MYCT1: variants seen among roughly 807,000 people sequenced by gnomAD.
MYCT1 encodes the protein MYC target 1.
MYCT1 carries 12 observed loss-of-function variants against 15.0 expected under a neutral mutation model. That is an observed-to-expected ratio of 0.80 (90% CI 0.51 to 1.29). The LOEUF (loss-of-function observed/expected upper bound fraction) is 1.29, where lower values mean the gene tolerates loss of function less well. Among genes scored for constraint, MYCT1 ranks in the 50% most tolerant of loss-of-function variants. The pLI is 0.00. For missense variants in MYCT1, 287 were observed against 279.1 expected, an observed-to-expected ratio of 1.03 and a Z score of -0.20; for synonymous variants, 104 against 102.7, an observed-to-expected ratio of 1.01 and a Z score of -0.07.
the MYCT1 span, among the ~76,000 whole-genome samples, chr6:152,731,418 C>T: frequency 1.3e-5 from 2 of 152,056 alleles, no homozygotes; most frequent in Non-Finnish European, 2.9e-5. Flanking sequence ...ATGTGCACAA[C>T]ATGCAGGTTT....
At chr6:152,715,765 G>T (rs999916461) in intron 1 of MYCT1, among the ~76,000 whole-genome samples, 2 of 152,080 alleles carry the variant, frequency 1.3e-5, no homozygotes, top group African/African-American at 2.4e-5. Context: ...ATAATTTTAG[G>T]AATAGATTAC....
At position 152,705,930 on chromosome 6, in the gene MYCT1, G is replaced by T. The variant is rs1370322483; in HGVS notation, c.196+7832G>T. On this transcript the variant is annotated intron_variant, in intron 1 of 1. Transcript: ENST00000367245. ...AGTTGGTTACGATGCTATGGTCAGA[G>T]ATTTTGTGAATATGGTGGAAAAAGC... The T allele has an allele frequency of 5.2e-6, 4 of 772,238 alleles. No homozygotes were observed. The East Asian group carries it at 9.8e-5, about 19-fold the overall frequency. The allele number at this position is 772,238 out of a possible 1,614,324, so 47.8% of individuals were successfully genotyped here.
the MYCT1 span, among the ~76,000 whole-genome samples, chr6:152,745,839 A>C: frequency 6.6e-6 from 1 of 152,174 alleles, no homozygotes; most frequent in Non-Finnish European, 1.5e-5. Context: ...CAGGGTGTGC[A>C]ACTATCATCC....
chr6:152,727,312 G>T (rs2099725827), downstream of MYCT1, among the ~76,000 whole-genome samples: 1 of 152,112 alleles, frequency 6.6e-6, no homozygotes, highest in Non-Finnish European at 1.5e-5. Context: ...ATAAGGCCCT[G>T]CAAAAAATAT....
intron 1 of MYCT1, among the ~76,000 whole-genome samples, chr6:152,715,202 T>TTA (rs1218352949): frequency 4.6e-5 from 7 of 152,332 alleles, no homozygotes; most frequent in Admixed American, 2.0e-4. Context: ...CTCTGATGGC[T>TTA]TCAAACAAAT....
At chr6:152,734,666 A>AT in the MYCT1 span, among the ~76,000 whole-genome samples, 393 of 146,982 alleles carry the variant, frequency 2.7e-3, 2 homozygotes, top group African/African-American at 8.4e-3. Context: ...ATGCTTTGAC[A>AT]TTTTTTTTTT....
rs2099723047 is a variant in MYCT1, at chr6:152,713,119, T to G, written c.197-8623T>G. The stretch of plus-strand genomic sequence containing the variant: ...CAATATTTTTCTCCATTTTTCAAAT[T>G]GGATAAGTTCTATTAATACACCTTT... On this transcript the variant is annotated intron_variant, in intron 1 of 1. Transcript: ENST00000367245. 3.3e-5 allele frequency among the ~76,000 whole-genome samples: 5 copies of G among 152,066 alleles called. No homozygotes were observed. The South Asian group carries it at 1.0e-3, about 32-fold the overall frequency.
the MYCT1 span, among the ~76,000 whole-genome samples, chr6:152,740,376 C>A: frequency 1.3e-5 from 2 of 151,846 alleles, no homozygotes; most frequent in Admixed American, 1.3e-4. Flanking sequence ...TTATCCCTAT[C>A]AAAAAAAGCA....
chr6:152,724,611 T>C (rs1246984573), downstream of MYCT1: 1 of 152,164 alleles, frequency 6.6e-6, no homozygotes, highest in African/African-American at 2.4e-5. Context: ...CCAACACTGT[T>C]CTAAAAAGCA....
At chr6:152,734,793 A>G in the MYCT1 span, among the ~76,000 whole-genome samples, 1 of 152,114 alleles carries the variant, frequency 6.6e-6, no homozygotes, top group African/African-American at 2.4e-5. Context: ...ACTCAGGCAT[A>G]TTGTAGACTC....
chr6:152,726,613 C>T (rs1339195329), downstream of MYCT1, among the ~76,000 whole-genome samples: 2 of 152,134 alleles, frequency 1.3e-5, no homozygotes, highest in South Asian at 2.1e-4. Flanking sequence ...GCCTATACAC[C>T]AAGACCTGTG....
At chr6:152,704,000 ATTT>A (rs1197238581) in intron 1 of MYCT1, among the ~76,000 whole-genome samples, 2 of 79,408 alleles carry the variant, frequency 2.5e-5, no homozygotes, top group Admixed American at 1.7e-4. Flanking sequence ...ATTTTATTTT[ATTT>A]TATTTTATTT....
chr6:152,746,248 T>C, the MYCT1 span, among the ~76,000 whole-genome samples: 3 of 152,208 alleles, frequency 2.0e-5, no homozygotes, highest in African/African-American at 7.2e-5. Context: ...ATGTGTACAG[T>C]CATCTCCCAA....
chr6:152,705,964 A>G, intron 1 of MYCT1: 3 of 784,914 alleles, frequency 3.8e-6, no homozygotes, highest in East Asian at 2.4e-5. Context: ...GCAATTATTG[A>G]CCCAACAAAG....
intron 1 of MYCT1, among the ~76,000 whole-genome samples, chr6:152,701,709 T>C (rs1313996908): frequency 1.3e-5 from 2 of 152,186 alleles, no homozygotes; most frequent in Non-Finnish European, 2.9e-5. Context: ...GCCCTTTCTC[T>C]GATTTTCACT....
chr6:152,699,879 G>T (rs2099721030), intron 1 of MYCT1, among the ~76,000 whole-genome samples: 1 of 151,990 alleles, frequency 6.6e-6, no homozygotes, highest in African/African-American at 2.4e-5. Context: ...GTGCTTAAGA[G>T]GGAATTAAAA....
the MYCT1 span, among the ~76,000 whole-genome samples, chr6:152,741,357 T>A: frequency 2.0e-5 from 3 of 152,106 alleles, no homozygotes; most frequent in Non-Finnish European, 4.4e-5. Flanking sequence ...AGGAGGAGAT[T>A]CAACATTAAG....
At chr6:152,726,090 C>G (rs1003263859), downstream of MYCT1, among the ~76,000 whole-genome samples, 3 of 134,892 alleles carry the variant, frequency 2.2e-5, no homozygotes, top group Admixed American at 1.6e-4. Context: ...TAAATTCACC[C>G]GAGTACCAGT....
chr6:152,731,402 G>C, the MYCT1 span, among the ~76,000 whole-genome samples: 1 of 151,974 alleles, frequency 6.6e-6, no homozygotes, highest in Admixed American at 6.6e-5. Flanking sequence ...TTAAGTTCTA[G>C]GGTACATGTG....
Sources: gnomAD v4.1 joint callset for allele counts (sites outside exome capture counted in the v4.1 genomes callset) on GRCh38, gnomAD v4.1.1 for gene constraint, MANE v1.5 for transcripts, NCBI Gene and HGNC (gene_info 2026-07-23, HGNC 2026-07-21) for gene names.